The following CELF4 variants were observed in gnomAD, a reference collection of about 807,000 sequenced individuals.
The protein encoded by CELF4 is CUGBP Elav-like family member 4.
In CELF4, 18 loss-of-function variants were observed where a neutral mutation model predicts 59.9. The observed-to-expected ratio is 0.30, with a 90% confidence interval of 0.21 to 0.45. The LOEUF (loss-of-function observed/expected upper bound fraction) is 0.45, where lower values mean the gene tolerates loss of function less well. Among genes scored for constraint, CELF4 ranks in the 20% least tolerant of loss-of-function variants. CELF4 has a pLI of 1.00. For synonymous variants in CELF4, 261 were observed against 267.1 expected, an observed-to-expected ratio of 0.98 and a Z score of 0.22; for missense variants, 456 against 689.0, an observed-to-expected ratio of 0.66 and a Z score of 3.79.
chr18:37,445,621 G>A (rs1042431132), intron 2 of CELF4, among the ~76,000 whole-genome samples: 1 of 152,082 alleles, frequency 6.6e-6, no homozygotes, highest in Non-Finnish European at 1.5e-5. Flanking sequence ...GACAATGCCC[G>A]CAAGGATGGG....
At chr18:37,559,350 A>G (rs1369396467) in intron 1 of CELF4, among the ~76,000 whole-genome samples, 2 of 152,058 alleles carry the variant, frequency 1.3e-5, no homozygotes, top group Non-Finnish European at 2.9e-5. Context: ...AGGCTGCAGC[A>G]TCTTCCCTCC....
intron 1 of CELF4, among the ~76,000 whole-genome samples, chr18:37,532,119 C>T (rs562012727): frequency 6.6e-6 from 1 of 152,352 alleles, no homozygotes; most frequent in African/African-American, 2.4e-5. Flanking sequence ...GTTTCCCTAG[C>T]ACCTCTCTGC....
At position 37,380,771 on chromosome 18, in the gene CELF4, CCTT is replaced by C. The variant is rs550438099; in HGVS notation, c.370-58893_370-58891del. Among the ~76,000 whole-genome samples the C allele has an allele frequency of 1.8e-3, 260 of 144,354 alleles. 2 individuals carry two copies. Among genetic ancestry groups the C allele is most frequent in the African/African-American group, 6.5e-3 (252 of 38,912 alleles). 94.7% of individuals were successfully genotyped at this position (144,354 alleles called of 152,430 possible). Reference sequence around the variant, plus strand: ...ATCCATCCATCCATTCAACATCTCTCCTTCTATCCATTTCTCCATGAATCCATC... The same window carrying C: ...ATCCATCCATCCATTCAACATCTCTCCTATCCATTTCTCCATGAATCCATC... On this transcript the variant is annotated intron_variant, in intron 2 of 12. Coordinates refer to ENST00000420428, the MANE Select transcript of CELF4 (RefSeq NM_020180.4).
At chr18:37,501,660 G>A (rs75462406) in intron 1 of CELF4, among the ~76,000 whole-genome samples, 2,712 of 152,326 alleles carry the variant, frequency 0.018, 84 homozygotes, top group African/African-American at 0.062. Flanking sequence ...ACAGAAACAG[G>A]GCATCTGGGG....
intron 3 of CELF4, among the ~76,000 whole-genome samples, chr18:37,310,436 T>A (rs1469357448): frequency 1.3e-5 from 2 of 152,226 alleles, no homozygotes; most frequent in Non-Finnish European, 2.9e-5. Flanking sequence ...TTAAAGCAGC[T>A]TCTGGAAATC....
intron 2 of CELF4, among the ~76,000 whole-genome samples, chr18:37,322,969 G>A (rs2097176334): frequency 6.6e-6 from 1 of 152,200 alleles, no homozygotes; most frequent in African/African-American, 2.4e-5. Context: ...GGCCTGTGGG[G>A]TGATTTCTGC....
rs940984043 is a variant in CELF4 at position 37,246,960 on chromosome 18, C to T, written c.*45-1763G>A. The T allele has an allele frequency of 6.6e-6, 1 of 151,928 alleles. No individual in the cohort carries two copies. Among genetic ancestry groups the T allele is most frequent in the East Asian group, 1.9e-4 (1 of 5,192 alleles). The allele number at this position is 151,928 out of a possible 1,614,324, so 9.4% of individuals were successfully genotyped here. On this transcript the variant is annotated intron_variant, in intron 12 of 12. Coordinates refer to ENST00000420428, the MANE Select transcript of CELF4 (RefSeq NM_020180.4). This position sits in a 1 kb window ranked among gnomAD's most constrained non-coding sequence, Gnocchi z 5.3. ...GTAAAACCACTGCAAGCACCAAGAA[C>T]GAAACGAAAATGAGCACAGCAAAAA...
chr18:37,353,004 G>A (rs1380550483), intron 2 of CELF4, among the ~76,000 whole-genome samples: 4 of 152,068 alleles, frequency 2.6e-5, no homozygotes, highest in Non-Finnish European at 2.9e-5. Flanking sequence ...GGCAGATCAG[G>A]AAGTCAGGAG....
chr18:37,335,635 A>G (rs1173888315), intron 2 of CELF4, among the ~76,000 whole-genome samples: 1 of 151,564 alleles, frequency 6.6e-6, no homozygotes, highest in African/African-American at 2.4e-5. Context: ...TCTCCTCTGA[A>G]TTCCCTGTCC....
intron 1 of CELF4, among the ~76,000 whole-genome samples, chr18:37,489,347 G>A (rs1269137199): frequency 3.9e-5 from 6 of 152,220 alleles, no homozygotes; most frequent in African/African-American, 1.4e-4. Context: ...ACTGTGGGGA[G>A]GGGGCTGCAG....
chr18:37,432,068 T>G (rs1002787814), intron 2 of CELF4, among the ~76,000 whole-genome samples: 2 of 152,240 alleles, frequency 1.3e-5, no homozygotes, highest in African/African-American at 4.8e-5. Context: ...TGGGAGGCTG[T>G]GAGGCTGGGA....
At chr18:37,288,239 C>A (rs1393448838) in intron 3 of CELF4, among the ~76,000 whole-genome samples, 1 of 152,230 alleles carries the variant, frequency 6.6e-6, no homozygotes, top group Non-Finnish European at 1.5e-5. Flanking sequence ...TCCACTGCAC[C>A]TAATGAGGTC....
chr18:37,448,209 T>C (rs2099753477), intron 2 of CELF4, among the ~76,000 whole-genome samples: 1 of 152,210 alleles, frequency 6.6e-6, no homozygotes, highest in African/African-American at 2.4e-5. Context: ...AGTGGGTCTC[T>C]TGTCACTGAG....
At chr18:37,463,131 T>G (rs1483359847) in intron 2 of CELF4, among the ~76,000 whole-genome samples, 2 of 152,202 alleles carry the variant, frequency 1.3e-5, no homozygotes, top group Non-Finnish European at 2.9e-5. Flanking sequence ...ATGTGATTTG[T>G]AGATGCAAAT....
chr18:37,277,327 C>A (rs908714046), intron 3 of CELF4, among the ~76,000 whole-genome samples: 1 of 152,246 alleles, frequency 6.6e-6, no homozygotes, highest in Non-Finnish European at 1.5e-5. Flanking sequence ...AGAGCCCAGG[C>A]CCCACTACCT....
chr18:37,266,691 T>C, intron 8 of CELF4, 93 bp from the exon 9 acceptor site: 1 of 1,110,358 alleles, frequency 9.0e-7, no homozygotes, highest in Non-Finnish European at 1.3e-6. Context: ...CTGTACTGCC[T>C]TTTCTGGCTA....
intron 2 of CELF4, among the ~76,000 whole-genome samples, chr18:37,443,665 C>T (rs557636090): frequency 2.6e-5 from 4 of 152,216 alleles, no homozygotes; most frequent in East Asian, 1.9e-4. Flanking sequence ...CCCACATCTT[C>T]ATTGGTATGA....
chr18:37,249,224 C>T (rs1325271714), intron 12 of CELF4, among the ~76,000 whole-genome samples: 1 of 152,122 alleles, frequency 6.6e-6, no homozygotes, highest in Non-Finnish European at 1.5e-5. Context: ...TTAGACCCAC[C>T]CAGGATGGCC....
intron 1 of CELF4, among the ~76,000 whole-genome samples, chr18:37,499,940 G>A (rs149426428): frequency 6.6e-6 from 1 of 152,306 alleles, no homozygotes; most frequent in Non-Finnish European, 1.5e-5. Context: ...CCAGGGAAAG[G>A]AGCACGAGTC....
Sources: gnomAD v4.1 joint callset for allele counts (sites outside exome capture counted in the v4.1 genomes callset) on GRCh38, gnomAD v4.1.1 for gene constraint, Gnocchi (gnomAD v3.1) non-coding constraint, MANE v1.5 for transcripts, NCBI Gene and HGNC (gene_info 2026-07-23, HGNC 2026-07-21) for gene names.